The following KBTBD2 variants were observed in gnomAD, a reference collection of about 807,000 sequenced individuals.
The protein encoded by KBTBD2 is kelch repeat and BTB domain containing 2.
Under a neutral mutation model 57.1 loss-of-function variants are expected in KBTBD2, and 17 were observed. That is an observed-to-expected ratio of 0.30 (90% CI 0.20 to 0.45). KBTBD2 has a LOEUF of 0.45. Ranked by LOEUF, KBTBD2 falls within the 20% of genes least tolerant of loss-of-function variation. The pLI, the probability that KBTBD2 is intolerant of heterozygous loss-of-function variation, is 1.00. For missense variants in KBTBD2, 515 were observed against 750.6 expected, an observed-to-expected ratio of 0.69 and a Z score of 3.67; for synonymous variants, 267 against 262.7, an observed-to-expected ratio of 1.02 and a Z score of -0.16.
rs1361062860 is a variant in KBTBD2, at chr7:32,870,508, G to A, written c.709C>T (p.Leu237=). 6.2e-7 allele frequency: 1 copy of A among 1,614,110 alleles called. No individual in the cohort carries two copies. The highest frequency in any genetic ancestry group is 1.3e-5 in the African/African-American group (1 of 75,054). The change falls in exon 4 of 4, where the codon CTG becomes TTG. Residue 237 remains leucine, a synonymous_variant. Coordinates refer to ENST00000304056, the MANE Select transcript of KBTBD2 (RefSeq NM_015483.3). The part of the protein sequence containing the change: ...EVTQRAWFQG[L]PPNDKSVVVQ... ...ACCACTGACTTATCATTGGGTGGCA[G>A]ACCTTGAAACCAAGCTCTCTGTGTT...
intron 3 of KBTBD2, among the ~76,000 whole-genome samples, chr7:32,871,595 A>G (rs1784180935): frequency 6.6e-6 from 1 of 152,170 alleles, no homozygotes; most frequent in Non-Finnish European, 1.5e-5. Flanking sequence ...TTTAAAACTT[A>G]ATTGGCCAAT....
At chr7:32,871,267 GT>G (rs1200853578) in intron 3 of KBTBD2, among the ~76,000 whole-genome samples, 2 of 150,910 alleles carry the variant, frequency 1.3e-5, no homozygotes, top group African/African-American at 2.5e-5. Flanking sequence ...GAAAATTATT[GT>G]TGTTGAATAA....
chr7:32,875,374 C>A (rs1330615157), intron 2 of KBTBD2, among the ~76,000 whole-genome samples: 1 of 152,100 alleles, frequency 6.6e-6, no homozygotes, highest in Non-Finnish European at 1.5e-5. Flanking sequence ...TGTGCTCAAA[C>A]GATTCTCCTC....
intron 1 of KBTBD2, among the ~76,000 whole-genome samples, chr7:32,887,414 C>G (rs370932325): frequency 2.0e-5 from 3 of 152,260 alleles, no homozygotes. Flanking sequence ...AAAATAAGTA[C>G]ATGAGGTGAC....
chr7:32,870,126 G>A lies in KBTBD2; in HGVS notation c.1091C>T (p.Thr364Ile), dbSNP rs772276668. Residue 364 changes from threonine to isoleucine, a missense_variant, in exon 4 of 4, where the codon ACC becomes ATC. Thr to Ile is a moderately conservative substitution (Grantham distance 89). Coordinates refer to ENST00000304056, the MANE Select transcript of KBTBD2 (RefSeq NM_015483.3). ...CTTTATGCGGACAAAAAGCATTGGGGTCTTTGGAAACCAGGTATTTTGCTG... is the reference window on the plus strand; with the variant it reads ...CTTTATGCGGACAAAAAGCATTGGGATCTTTGGAAACCAGGTATTTTGCTG... Reference protein sequence around the residue: ...DAQQNTWFPKTPMLFVRIKPS... With the variant: ...DAQQNTWFPKIPMLFVRIKPS... 6.2e-7 allele frequency: 1 copy of A among 1,614,178 alleles called. No homozygotes were observed. Among genetic ancestry groups the A allele is most frequent in the South Asian group, 1.1e-5 (1 of 91,084 alleles).
At chr7:32,888,395 G>A (rs1251464203) in intron 1 of KBTBD2, among the ~76,000 whole-genome samples, 2 of 152,048 alleles carry the variant, frequency 1.3e-5, no homozygotes, top group East Asian at 1.9e-4. Context: ...TCCTTAGGAA[G>A]GACAAGAGAT....
chr7:32,874,781 CAGG>C (rs1784269335), intron 3 of KBTBD2: 1 of 396,744 alleles, frequency 2.5e-6, no homozygotes, highest in African/African-American at 2.0e-5. Context: ...ATCACGAGGT[CAGG>C]AGATCAAGAC....
intron 1 of KBTBD2, among the ~76,000 whole-genome samples, chr7:32,883,448 C>T (rs1205547781): frequency 6.6e-6 from 1 of 152,170 alleles, no homozygotes; most frequent in African/African-American, 2.4e-5. Context: ...CAACCATCTT[C>T]AAATGCCCAC....
rs374675293 is a variant in KBTBD2, at chr7:32,879,664, G to A, written c.-60C>T. ...AGAAAAGTCCGTCTTACTGATGGAA[G>A]GTCAAGTGAATACTTCAGAAATAAA... On this transcript the variant is annotated 5_prime_UTR_variant, in exon 2 of 4. Transcript: ENST00000304056. 4.3e-6 allele frequency: 6 copies of A among 1,389,390 alleles called. No individual in the cohort carries two copies. Among genetic ancestry groups the A allele is most frequent in the Non-Finnish European group, 1.0e-6 (1 of 992,358 alleles). The allele number at this position is 1,389,390 out of a possible 1,614,324, so 86.1% of individuals were successfully genotyped here.
chr7:32,884,119 A>G (rs536619615), intron 1 of KBTBD2, among the ~76,000 whole-genome samples: 19 of 152,318 alleles, frequency 1.2e-4, no homozygotes, highest in African/African-American at 4.6e-4. Flanking sequence ...CAGCCCTACT[A>G]CTAACAGTGG....
At chr7:32,884,976 G>GTGTATATATATATATACACATATGTGTA (rs1330517519) in intron 1 of KBTBD2, among the ~76,000 whole-genome samples, 1 of 130,076 alleles carries the variant, frequency 7.7e-6, no homozygotes, top group African/African-American at 3.1e-5. Context: ...GTATGTGTGT[G>GTGTATATATATATATACACATATGTGTA]TATATATATA....
At position 32,883,077 on chromosome 7, in the gene KBTBD2, A is replaced by C. The variant is rs371021602; in HGVS notation, c.-338-3135T>G. ...GGACTTCAAAAGGTATTAACTAAAA[A>C]TGTGAAAGCTTGGCCAGGTGTGGTA... On this transcript the variant is annotated intron_variant, in intron 1 of 3. Transcript: ENST00000304056. Among the ~76,000 whole-genome samples the C allele has an allele frequency of 9.9e-5, 15 of 152,148 alleles. No individual in the cohort carries two copies. In the East Asian group the frequency reaches 2.5e-3, roughly 26 times the overall value.
Position 32,875,144 on chromosome 7 carries a change from T to A in KBTBD2, c.184A>T (p.Ser62Cys). 1 of 1,614,026 alleles carries A rather than the reference T, an allele frequency of 6.2e-7. No homozygotes were observed. The highest frequency in any genetic ancestry group is 1.1e-5 in the South Asian group (1 of 91,064). The change falls in exon 3 of 4, where the codon AGT becomes TGT. Residue 62 changes from serine to cysteine, a missense_variant. Ser to Cys is a moderately radical substitution (Grantham distance 112, BLOSUM62 -1). Transcript: ENST00000304056. ...CSSYFRAMFM[S>C]GLSESKQTHV... is the part of the protein sequence containing the mutation. ...GTTTGTTTGCTTTCACTTAGTCCACTCATAAACATGGCCCTACAGGGGAGA... is the reference window on the plus strand; with the variant it reads ...GTTTGTTTGCTTTCACTTAGTCCACACATAAACATGGCCCTACAGGGGAGA...
In KBTBD2 at chr7:32,879,534, AAC is replaced by A. The variant is rs2127953214; in HGVS notation, c.69_70del (p.Phe24LeufsTer2). 2 of 1,613,526 alleles carry A rather than the reference AAC, an allele frequency of 1.2e-6. No homozygotes were observed. The highest frequency in any genetic ancestry group is 8.5e-7 in the Non-Finnish European group (1 of 1,179,598). On this transcript the variant is annotated frameshift_variant, in exon 2 of 4. Transcript: ENST00000304056. LOFTEE classifies it high-confidence loss of function. Reference sequence around the variant, plus strand: ...GTCAGTAAACAACTGCTGTTCATAAAACAGTTTCAACTGTTCCAACAATGACA... The same window carrying A: ...GTCAGTAAACAACTGCTGTTCATAAAAGTTTCAACTGTTCCAACAATGACA...
At chr7:32,885,838 C>T (rs944466422) in intron 1 of KBTBD2, among the ~76,000 whole-genome samples, 10 of 151,840 alleles carry the variant, frequency 6.6e-5, no homozygotes, top group African/African-American at 1.9e-4. Flanking sequence ...TTTGCTTGAT[C>T]GCAGAGAATG....
In KBTBD2 at chr7:32,868,453, A is replaced by G. The variant is rs1397834959; in HGVS notation, c.*892T>C. ...TTAAAAAAAACACACCCTGACAGCT[A>G]ACAGATCTATACACAATCACTCTAC... On this transcript the variant is annotated 3_prime_UTR_variant, in exon 4 of 4. Transcript: ENST00000304056. 6.6e-6 allele frequency: 1 copy of G among 152,634 alleles called. No individual in the cohort carries two copies. The highest frequency in any genetic ancestry group is 1.5e-5 in the Non-Finnish European group (1 of 68,042). 9.5% of individuals were successfully genotyped at this position (152,634 alleles called of 1,614,324 possible).
At chr7:32,888,033 G>A (rs929591912) in intron 1 of KBTBD2, among the ~76,000 whole-genome samples, 3 of 152,264 alleles carry the variant, frequency 2.0e-5, no homozygotes, top group African/African-American at 7.2e-5. Flanking sequence ...ACCTTCACCA[G>A]GTCCGAAGAT....
chr7:32,887,541 T>C (rs1784611237), intron 1 of KBTBD2, among the ~76,000 whole-genome samples: 1 of 152,186 alleles, frequency 6.6e-6, no homozygotes, highest in South Asian at 2.1e-4. Context: ...AATTATATAG[T>C]AGGAATGAAG....
rs1211475251 is a variant in KBTBD2 at position 32,869,981 on chromosome 7, T to C, written c.1236A>G (p.Val412=). ...ATTGCCAAGCACAAGGTAAAGGGCT[T>C]ACCATCGTCCACTCATCTTTCTCAG... ...YDTEKDEWTM[V]SPLPCAWQWS... The change falls in exon 4 of 4, where the codon GTA becomes GTG. Residue 412 remains valine, a synonymous_variant. Transcript: ENST00000304056. The C allele has an allele frequency of 6.2e-7, 1 of 1,614,168 alleles. No individual in the cohort carries two copies. The highest frequency in any genetic ancestry group is 8.5e-7 in the Non-Finnish European group (1 of 1,180,018).
Sources: gnomAD v4.1 joint callset for allele counts (sites outside exome capture counted in the v4.1 genomes callset) on GRCh38, gnomAD v4.1.1 for gene constraint, MANE v1.5 for transcripts, NCBI Gene and HGNC (gene_info 2026-07-23, HGNC 2026-07-21) for gene names.